Variants in RGS7BP observed in about 807,000 individuals in gnomAD.
The protein encoded by RGS7BP is regulator of G protein signaling 7 binding protein.
In RGS7BP, 9 loss-of-function variants were observed where a neutral mutation model predicts 31.3. The observed-to-expected ratio is 0.29, with a 90% CI of 0.17 to 0.50. RGS7BP has a LOEUF of 0.50. Ranked by LOEUF, RGS7BP falls within the 20% of genes least tolerant of loss-of-function variation. The pLI is 0.98. For synonymous variants in RGS7BP, 115 were observed against 120.1 expected, an observed-to-expected ratio of 0.96 and a Z score of 0.28; for missense variants, 274 against 322.0, an observed-to-expected ratio of 0.85 and a Z score of 1.14.
chr5:64,541,977 AT>A lies in RGS7BP; in HGVS notation c.333-33791del, dbSNP rs1242575169. Among the ~76,000 whole-genome samples, 11 of 151,512 alleles carry A rather than the reference AT, an allele frequency of 7.3e-5. 1 individual carries two copies. The highest frequency in any genetic ancestry group is 2.7e-4 in the African/African-American group (11 of 41,264). On this transcript the variant is annotated intron_variant, in intron 2 of 5. Coordinates refer to ENST00000334025, the MANE Select transcript of RGS7BP (RefSeq NM_001029875.3). ...GTTTTTTTTACGATTTTTCCATCTT[AT>A]TTTTTGTTCTAGTATATAATCTGAG... is the stretch of plus-strand genomic sequence containing the variant.
In RGS7BP at chr5:64,574,840, A is replaced by G. The variant is rs79869840; in HGVS notation, c.333-934A>G. ...AATCCAAATGCTATATTTAAAAATC[A>G]GATTTCATTGCATTTTAAATTAATA... is the stretch of plus-strand genomic sequence containing the variant. On this transcript the variant is annotated intron_variant, in intron 2 of 5. Transcript: ENST00000334025. Among the ~76,000 whole-genome samples, 1,451 of 152,342 alleles carry G rather than the reference A, an allele frequency of 9.5e-3. 23 individuals carry two copies. The highest frequency in any genetic ancestry group is 0.032 in the East Asian group (164 of 5,184).
rs778197949 is a variant in RGS7BP, at chr5:64,575,869, T to C, written c.428T>C (p.Ile143Thr). ...TATACCACAGAGATGCTAAAATCCA[T>C]ATGTCTGCTGGGGTCTCTTCAGTTT... ...EMYTTEMLKS[I>T]CLLGSLQFHR... The change falls in exon 3 of 6, where the codon ATA becomes ACA. Residue 143 changes from isoleucine to threonine, a missense_variant. Physicochemically the swap from Ile to Thr is moderately conservative, Grantham distance 89. Around this residue, in one of 3 missense-constraint regions of RGS7BP, gnomAD observed 13 missense variants for 38.5 expected, o/e 0.34. Transcript: ENST00000334025. 1.2e-6 allele frequency: 2 copies of C among 1,613,526 alleles called. No homozygotes were observed. The highest frequency in any genetic ancestry group is 2.2e-5 in the South Asian group (2 of 91,012).
intron 2 of RGS7BP, among the ~76,000 whole-genome samples, chr5:64,513,462 C>G (rs1000571418): frequency 6.6e-6 from 1 of 152,130 alleles, no homozygotes; most frequent in Non-Finnish European, 1.5e-5. Context: ...AGTCCCACTT[C>G]TAGTTGATTT....
chr5:64,557,172 A>G, intron 2 of RGS7BP, among the ~76,000 whole-genome samples: 1 of 152,154 alleles, frequency 6.6e-6, no homozygotes, highest in East Asian at 1.9e-4. Context: ...CTGCTCACCT[A>G]AATTCTTGGG....
chr5:64,584,853 T>A (rs2111927119), intron 3 of RGS7BP, among the ~76,000 whole-genome samples: 1 of 152,338 alleles, frequency 6.6e-6, no homozygotes, highest in South Asian at 2.1e-4. Flanking sequence ...CTTACCACAG[T>A]GTGGAAAAAC....
At chr5:64,599,289 T>C (rs758801667) in intron 5 of RGS7BP, among the ~76,000 whole-genome samples, 12 of 152,166 alleles carry the variant, frequency 7.9e-5, no homozygotes, top group Non-Finnish European at 1.6e-4. Context: ...CAGAGGATGG[T>C]ACATAGAGGT....
At chr5:64,535,073 G>A (rs1193899987) in intron 2 of RGS7BP, among the ~76,000 whole-genome samples, 2 of 152,104 alleles carry the variant, frequency 1.3e-5, no homozygotes, top group Non-Finnish European at 2.9e-5. Flanking sequence ...AAGGACAGAG[G>A]GACCAGTGAA....
At chr5:64,558,735 TCA>T (rs1261720608) in intron 2 of RGS7BP, among the ~76,000 whole-genome samples, 1 of 152,108 alleles carries the variant, frequency 6.6e-6, no homozygotes, top group Non-Finnish European at 1.5e-5. Flanking sequence ...AAGAGAAATA[TCA>T]CTGAATTCTT....
rs190070862 is a variant in RGS7BP, at chr5:64,571,042, A to G, written c.333-4732A>G. ...TATACACCCGTGTAACTAAACCTCC[A>G]TCTAGATATAGAATATCACCCTCAC... is the stretch of plus-strand genomic sequence containing the variant. On this transcript the variant is annotated intron_variant, in intron 2 of 5. Coordinates refer to ENST00000334025, the MANE Select transcript of RGS7BP (RefSeq NM_001029875.3). Among the ~76,000 whole-genome samples the G allele has an allele frequency of 6.4e-4, 98 of 152,168 alleles. No homozygotes were observed. The East Asian group carries it at 0.017, about 26-fold the overall frequency.
intron 2 of RGS7BP, among the ~76,000 whole-genome samples, chr5:64,574,302 G>A (rs1742367969): frequency 6.6e-6 from 1 of 151,934 alleles, no homozygotes; most frequent in Non-Finnish European, 1.5e-5. Flanking sequence ...CTGGGTGTAT[G>A]TGTCTGGGTG....
intron 3 of RGS7BP, among the ~76,000 whole-genome samples, chr5:64,589,380 G>A (rs1742847991): frequency 6.6e-6 from 1 of 152,024 alleles, no homozygotes; most frequent in South Asian, 2.1e-4. Flanking sequence ...TTAAACAAAT[G>A]ATTGATAATA....
At chr5:64,576,630 T>C (rs572071101) in intron 3 of RGS7BP, among the ~76,000 whole-genome samples, 92 of 152,344 alleles carry the variant, frequency 6.0e-4, no homozygotes, top group African/African-American at 2.2e-3. Flanking sequence ...GGACCAGGCT[T>C]ATGCCTAAAC....
intron 5 of RGS7BP, among the ~76,000 whole-genome samples, chr5:64,608,913 G>A (rs1295680870): frequency 6.6e-6 from 1 of 151,996 alleles, no homozygotes. Flanking sequence ...GTCATAGCTG[G>A]GGATATACTT....
At chr5:64,509,116 A>T (rs756214016) in intron 2 of RGS7BP, among the ~76,000 whole-genome samples, 4 of 152,200 alleles carry the variant, frequency 2.6e-5, no homozygotes, top group African/African-American at 9.6e-5. Context: ...CAAGAAGTAA[A>T]TCCGGGAAAT....
intron 2 of RGS7BP, among the ~76,000 whole-genome samples, chr5:64,569,311 C>T (rs1455684774): frequency 6.6e-6 from 1 of 152,018 alleles, no homozygotes; most frequent in Non-Finnish European, 1.5e-5. Context: ...CAACAACACA[C>T]GTTTCCACCT....
At position 64,506,680 on chromosome 5, in the gene RGS7BP, CGATCTT is replaced by C. The variant is rs1363013374; in HGVS notation, c.57_62del (p.Ile20_Phe21del). 6.2e-7 allele frequency: 1 copy of C among 1,613,266 alleles called. No homozygotes were observed. On this transcript the variant is annotated inframe_deletion, in exon 1 of 6. Coordinates refer to ENST00000334025, the MANE Select transcript of RGS7BP (RefSeq NM_001029875.3). The surrounding 1 kb of genome is among the most constrained non-coding windows in gnomAD (Gnocchi z 4.6). Reference sequence around the variant, plus strand: ...CGCCCCAGCCGGTCCACCCGCTCCTCGATCTTCCAGATCAGCAAGCCCCCGCTGCAG... The same window carrying C: ...CGCCCCAGCCGGTCCACCCGCTCCTCCCAGATCAGCAAGCCCCCGCTGCAG...
At chr5:64,563,344 A>T (rs73111069) in intron 2 of RGS7BP, among the ~76,000 whole-genome samples, 2,358 of 152,198 alleles carry the variant, frequency 0.015, 51 homozygotes, top group African/African-American at 0.053. Context: ...CATATGTTGA[A>T]GTCTTAGCCC....
chr5:64,527,406 G>A (rs568051734), intron 2 of RGS7BP, among the ~76,000 whole-genome samples: 1 of 152,260 alleles, frequency 6.6e-6, no homozygotes, highest in South Asian at 2.1e-4. Flanking sequence ...AGAATCTGCA[G>A]TAGGGATTGA....
intron 3 of RGS7BP, among the ~76,000 whole-genome samples, chr5:64,581,884 T>G (rs977041432): frequency 6.6e-6 from 1 of 152,216 alleles, no homozygotes; most frequent in South Asian, 2.1e-4. Context: ...AAAGTGTTTT[T>G]CTTTTTTTAT....
Sources: allele counts gnomAD v4.1 joint callset (sites outside exome capture counted in the v4.1 genomes callset), GRCh38; gene constraint gnomAD v4.1.1; regional missense constraint gnomAD v4.1.1; non-coding constraint Gnocchi (gnomAD v3.1); transcripts MANE v1.5; gene names NCBI Gene and HGNC (gene_info 2026-07-23, HGNC 2026-07-21).